The following TTLL5 variants were observed in gnomAD, a reference collection of about 807,000 sequenced individuals.
The protein encoded by TTLL5 is tubulin polyglutamylase TTLL5.
In TTLL5, 132 loss-of-function variants were observed where a neutral mutation model predicts 168.4. That is an observed-to-expected ratio of 0.78 (90% CI 0.68 to 0.91). The LOEUF is 0.91. Ranked by LOEUF, TTLL5 falls within the 40% of genes least tolerant of loss-of-function variation. The probability of loss-of-function intolerance (pLI) is 0.00; values close to 1 mark genes in which losing one functional copy is unlikely to be tolerated. For missense variants in TTLL5, 1,545 were observed against 1,581.5 expected (o/e 0.98, Z 0.39); for synonymous variants, 546 against 558.6 (o/e 0.98, Z 0.32).
chr14:75,864,595 A>G (rs1022444776), intron 29 of TTLL5, among the ~76,000 whole-genome samples: 1 of 152,162 alleles, frequency 6.6e-6, no homozygotes, highest in African/African-American at 2.4e-5. Context: ...TATGGCCCCA[A>G]TTGTAGAGAA....
At chr14:75,759,892 A>T (rs2140287526) in intron 18 of TTLL5, among the ~76,000 whole-genome samples, 1 of 152,214 alleles carries the variant, frequency 6.6e-6, no homozygotes, top group South Asian at 2.1e-4. Context: ...TTATATGAAA[A>T]ACCTCTTGCT....
chr14:75,825,117 C>T (rs1895049747), intron 28 of TTLL5, among the ~76,000 whole-genome samples: 1 of 152,066 alleles, frequency 6.6e-6, no homozygotes, highest in African/African-American at 2.4e-5. Context: ...TAAGATTAAA[C>T]TGAGTTGTGT....
At position 75,813,194 on chromosome 14, in the gene TTLL5, C is replaced by CTGTGTGTGTGTGTG. The variant is rs61154954; in HGVS notation, c.3172-6795_3172-6782dup. 1.3e-3 allele frequency among the ~76,000 whole-genome samples: 190 copies of CTGTGTGTGTGTGTG among 142,524 alleles called. 1 individual carries two copies. The highest frequency in any genetic ancestry group is 4.7e-3 in the African/African-American group (180 of 38,174). The allele number at this position is 142,524 out of a possible 152,430, so 93.5% of individuals were successfully genotyped here. On this transcript the variant is annotated intron_variant, in intron 27 of 31. Coordinates refer to ENST00000298832, the MANE Select transcript of TTLL5 (RefSeq NM_015072.5). ...TGCTTAGCATGTTGCCTGGAACAAG[C>CTGTGTGTGTGTGTG]TGTGTGTGTGTGTGTGTGTGTGTGT...
intron 13 of TTLL5, among the ~76,000 whole-genome samples, chr14:75,733,681 G>A (rs963506934): frequency 6.6e-6 from 1 of 152,128 alleles, no homozygotes; most frequent in Non-Finnish European, 1.5e-5. Flanking sequence ...CAGTTTTAAT[G>A]AAGTGGTATT....
At chr14:75,751,163 C>T (rs1169568477) in intron 17 of TTLL5, among the ~76,000 whole-genome samples, 4 of 152,162 alleles carry the variant, frequency 2.6e-5, no homozygotes, top group Non-Finnish European at 5.9e-5. Context: ...ATGTCTTTTC[C>T]ACCTGAGCAC....
At chr14:75,894,715 G>A (rs1331554913) in intron 30 of TTLL5, among the ~76,000 whole-genome samples, 1 of 152,058 alleles carries the variant, frequency 6.6e-6, no homozygotes, top group Non-Finnish European at 1.5e-5. Flanking sequence ...TAAGTTATTG[G>A]CTACATGAAA....
intron 30 of TTLL5, among the ~76,000 whole-genome samples, chr14:75,883,674 G>A (rs757505375): frequency 2.2e-4 from 33 of 152,150 alleles, no homozygotes; most frequent in Non-Finnish European, 4.0e-4. Context: ...ATCAAATTCT[G>A]GATTTAGATA....
intron 27 of TTLL5, among the ~76,000 whole-genome samples, chr14:75,818,734 CGTGATCCACCCGCCTCAGCCTCCCAAA>C (rs1203418236): frequency 2.0e-5 from 3 of 150,188 alleles, no homozygotes; most frequent in Non-Finnish European, 4.4e-5. Context: ...CTCCTAACCT[CGTGATCCACCCGCCTCAGCCTCCCAAA>C]GTGTTGGGGT....
intron 19 of TTLL5, among the ~76,000 whole-genome samples, chr14:75,765,288 G>A (rs1396634295): frequency 6.6e-6 from 1 of 152,070 alleles, no homozygotes; most frequent in Non-Finnish European, 1.5e-5. Flanking sequence ...AGTCACTGAG[G>A]TTTTGCTGGT....
rs557858561 is a variant in TTLL5, at chr14:75,712,919, C to T, written c.741-4942C>T. Among the ~76,000 whole-genome samples, 16 of 152,042 alleles carry T rather than the reference C, an allele frequency of 1.1e-4. No individual in the cohort carries two copies. The East Asian group carries it at 2.1e-3, about 20-fold the overall frequency. ...TTGTGGTTAAAAAGGGGGGAGGGGG[C>T]GGCAAATAGTTCTATATTCATCAAT... On this transcript the variant is annotated intron_variant, in intron 9 of 31. Transcript: ENST00000298832.
intron 17 of TTLL5, among the ~76,000 whole-genome samples, chr14:75,745,871 A>G (rs1289157057): frequency 6.6e-6 from 1 of 152,156 alleles, no homozygotes; most frequent in South Asian, 2.1e-4. Flanking sequence ...GAAAAAAAAA[A>G]TTGTTTATCT....
At chr14:75,724,013 G>GT (rs1269179512) in intron 12 of TTLL5, among the ~76,000 whole-genome samples, 2 of 146,602 alleles carry the variant, frequency 1.4e-5, no homozygotes, top group African/African-American at 2.5e-5. Context: ...GAATAAGCTA[G>GT]TTGTTTTTTT....
chr14:75,869,861 C>T (rs1333944776), intron 29 of TTLL5, among the ~76,000 whole-genome samples: 1 of 113,270 alleles, frequency 8.8e-6, no homozygotes, highest in Non-Finnish European at 1.6e-5. Context: ...ACTCTGTTGA[C>T]CAGTCTGGAG....
intron 2 of TTLL5, among the ~76,000 whole-genome samples, chr14:75,667,455 C>T (rs949045734): frequency 6.6e-6 from 1 of 152,074 alleles, no homozygotes; most frequent in African/African-American, 2.4e-5. Flanking sequence ...GGCTTCATGC[C>T]CACATTTTAC....
At chr14:75,732,583 C>T (rs1415247166) in intron 13 of TTLL5, among the ~76,000 whole-genome samples, 164 bp downstream of exon 13, 1 of 151,942 alleles carries the variant, frequency 6.6e-6, no homozygotes. Flanking sequence ...GGCATAATAT[C>T]AAAGTGCATA....
chr14:75,801,480 A>ACTT (rs1207176744), intron 27 of TTLL5, among the ~76,000 whole-genome samples: 1 of 152,182 alleles, frequency 6.6e-6, no homozygotes, highest in African/African-American at 2.4e-5. Flanking sequence ...CAATCCAGTT[A>ACTT]TACTCTTAGT....
intron 30 of TTLL5, among the ~76,000 whole-genome samples, chr14:75,897,104 ACTT>A (rs1290159590): frequency 6.6e-6 from 1 of 152,190 alleles, no homozygotes; most frequent in African/African-American, 2.4e-5. Context: ...TCTTTGAACA[ACTT>A]CTTTGAAAGG....
chr14:75,700,535 T>C (rs1160259250), intron 7 of TTLL5, among the ~76,000 whole-genome samples: 2 of 152,126 alleles, frequency 1.3e-5, no homozygotes, highest in Non-Finnish European at 2.9e-5. Context: ...CCACTGCACA[T>C]GCAGACAGCT....
chr14:75,699,753 T>G (rs1324056010), intron 7 of TTLL5, among the ~76,000 whole-genome samples: 1 of 152,172 alleles, frequency 6.6e-6, no homozygotes, highest in Non-Finnish European at 1.5e-5. Flanking sequence ...TCTGCCCTTC[T>G]TCGTCTCATT....
Sources: gnomAD v4.1 joint callset for allele counts (sites outside exome capture counted in the v4.1 genomes callset) on GRCh38, gnomAD v4.1.1 for gene constraint, MANE v1.5 for transcripts, NCBI Gene and HGNC (gene_info 2026-07-23, HGNC 2026-07-21) for gene names.